Variants in TAOK3 observed in about 807,000 individuals in gnomAD.
TAOK3 encodes serine/threonine-protein kinase TAO3.
TAOK3 carries 40 observed loss-of-function variants against 120.4 expected under a neutral mutation model. That is an observed-to-expected ratio of 0.33 (90% CI 0.26 to 0.43). The LOEUF (loss-of-function observed/expected upper bound fraction) is 0.43, where lower values mean the gene tolerates loss of function less well. Among genes scored for constraint, TAOK3 ranks in the 20% least tolerant of loss-of-function variants. The pLI is 1.00. For missense variants in TAOK3, 821 were observed against 1,112.1 expected (o/e 0.74, Z 3.72); for synonymous variants, 355 against 387.5 (o/e 0.92, Z 0.99).
At chr12:118,341,106 T>C (rs2044599343) in intron 1 of TAOK3, among the ~76,000 whole-genome samples, 1 of 151,996 alleles carries the variant, frequency 6.6e-6, no homozygotes, top group African/African-American at 2.4e-5. Flanking sequence ...AAGGTATTCT[T>C]GTTCGTCCTC....
intron 1 of TAOK3, among the ~76,000 whole-genome samples, chr12:118,279,678 G>A (rs978221675): frequency 7.3e-5 from 11 of 150,994 alleles, no homozygotes; most frequent in Admixed American, 7.3e-4. Context: ...CTGCCTCTGG[G>A]ATTCAAGCGA....
chr12:118,316,419 T>A (rs1425317581), intron 1 of TAOK3, among the ~76,000 whole-genome samples: 3 of 151,976 alleles, frequency 2.0e-5, no homozygotes, highest in Non-Finnish European at 4.4e-5. Flanking sequence ...CTCAAGGACA[T>A]CATTTTTTTT....
intron 1 of TAOK3, among the ~76,000 whole-genome samples, chr12:118,337,076 A>G (rs1187599158): frequency 6.6e-6 from 1 of 152,224 alleles, no homozygotes; most frequent in East Asian, 1.9e-4. Flanking sequence ...TAAAGAAAAA[A>G]GAAAATGGGC....
At chr12:118,323,072 G>A (rs1258599762) in intron 1 of TAOK3, among the ~76,000 whole-genome samples, 3 of 151,990 alleles carry the variant, frequency 2.0e-5, no homozygotes, top group African/African-American at 2.4e-5. Flanking sequence ...GATTTGGTCT[G>A]CAGATTATAG....
At chr12:118,189,273 A>G (rs2037270825) in intron 14 of TAOK3, among the ~76,000 whole-genome samples, 1 of 152,216 alleles carries the variant, frequency 6.6e-6, no homozygotes, top group South Asian at 2.1e-4. Flanking sequence ...TTCTACAATT[A>G]TATACATTAT....
intron 17 of TAOK3, among the ~76,000 whole-genome samples, chr12:118,168,957 T>TTGCCTTCCTTCCTTCC (rs1300287948): frequency 6.8e-6 from 1 of 147,672 alleles, no homozygotes; most frequent in Admixed American, 6.8e-5. Context: ...GCTTGCTTGC[T>TTGCCTTCCTTCCTTCC]TTCCTTCCTT....
At chr12:118,277,143 C>T (rs557789042) in intron 1 of TAOK3, among the ~76,000 whole-genome samples, 6 of 152,310 alleles carry the variant, frequency 3.9e-5, no homozygotes, top group Admixed American at 3.3e-4. Flanking sequence ...ACAATAACTT[C>T]CAAAACAAAT....
chr12:118,178,050 G>A (rs1345938540), intron 15 of TAOK3, among the ~76,000 whole-genome samples: 1 of 151,998 alleles, frequency 6.6e-6, no homozygotes, highest in African/African-American at 2.4e-5. Flanking sequence ...GGGATCCAGC[G>A]ATCCTCCTGC....
rs529543363 is a variant in TAOK3 at position 118,212,770 on chromosome 12, C to T, written c.819+144G>A. 3 of 552,542 alleles carry T rather than the reference C, an allele frequency of 5.4e-6. No homozygotes were observed. The South Asian group carries it at 7.7e-5, about 14-fold the overall frequency. 34.2% of individuals were successfully genotyped at this position (552,542 alleles called of 1,614,324 possible). On this transcript the variant is annotated intron_variant, in intron 11 of 20. Coordinates refer to ENST00000392533, the MANE Select transcript of TAOK3 (RefSeq NM_016281.4). Reference sequence around the variant, plus strand: ...TTGCAATAATCTTGCTATTTCTATGCCTAGCTACTTATCTCAGGATAAATG... The same window carrying T: ...TTGCAATAATCTTGCTATTTCTATGTCTAGCTACTTATCTCAGGATAAATG...
rs918882344 is a variant in TAOK3 at position 118,230,463 on chromosome 12, T to G, written c.643+3211A>C. On this transcript the variant is annotated intron_variant, in intron 9 of 20. Transcript: ENST00000392533. The stretch of plus-strand genomic sequence containing the variant: ...TTCTGGGATTACCCTGTGAAGTGTT[T>G]TTTTTTTTTTTTTTTTTTTTTTTTT... 1.3e-4 allele frequency among the ~76,000 whole-genome samples: 13 copies of G among 102,102 alleles called. 1 individual carries two copies. The South Asian group carries it at 5.3e-3, about 42-fold the overall frequency. 67.0% of individuals were successfully genotyped at this position (102,102 alleles called of 152,430 possible).
chr12:118,356,850 A>C (rs2045418074), intron 1 of TAOK3, among the ~76,000 whole-genome samples: 1 of 152,182 alleles, frequency 6.6e-6, no homozygotes, highest in Non-Finnish European at 1.5e-5. Flanking sequence ...TGAGCTCAGG[A>C]GTTCAAGGCA....
At position 118,201,283 on chromosome 12, in the gene TAOK3, A is replaced by G. The variant is rs779401434; in HGVS notation, c.987+13T>C. 3.7e-6 allele frequency: 6 copies of G among 1,608,600 alleles called. No individual in the cohort carries two copies. In the African/African-American group the frequency reaches 6.7e-5, roughly 18 times the overall value. On this transcript the variant is annotated intron_variant, in intron 12 of 20. Coordinates refer to ENST00000392533, the MANE Select transcript of TAOK3 (RefSeq NM_016281.4). ...GCATTCTATAAGTGCCTGCTAAAAT[A>G]AATTGAACCTACTTCCTCATCCTCC...
intron 1 of TAOK3, among the ~76,000 whole-genome samples, chr12:118,269,049 AAAAG>A (rs1173712789): frequency 6.6e-6 from 1 of 151,816 alleles, no homozygotes; most frequent in African/African-American, 2.4e-5. Context: ...AAGAAAAAAG[AAAAG>A]AAAGAGAGTT....
chr12:118,160,091 G>C lies in TAOK3; in HGVS notation c.2352+55C>G. On this transcript the variant is annotated intron_variant, in intron 19 of 20. Transcript: ENST00000392533. This position sits in a 1 kb window ranked among gnomAD's most constrained non-coding sequence, Gnocchi z 4.2. Reference sequence around the variant, plus strand: ...CTTGGGAACAACAGGCTGGATCTTGGATTTTCTTGATTCCCAAAGCTCTCG... The same window carrying C: ...CTTGGGAACAACAGGCTGGATCTTGCATTTTCTTGATTCCCAAAGCTCTCG... The C allele has an allele frequency of 7.2e-7, 1 of 1,392,750 alleles. No individual in the cohort carries two copies. Among genetic ancestry groups the C allele is most frequent in the Non-Finnish European group, 1.0e-6 (1 of 981,048 alleles). The allele number at this position is 1,392,750 out of a possible 1,614,324, so 86.3% of individuals were successfully genotyped here. A position where few individuals can be genotyped will look rare whatever the true frequency, so the allele number is the denominator to read the frequency against.
intron 11 of TAOK3, among the ~76,000 whole-genome samples, chr12:118,212,325 T>C (rs1205344981): frequency 6.6e-6 from 1 of 152,216 alleles, no homozygotes; most frequent in Non-Finnish European, 1.5e-5. Flanking sequence ...CATACTACAC[T>C]GATATTGATG....
chr12:118,292,604 A>T (rs1361079726), intron 1 of TAOK3, among the ~76,000 whole-genome samples: 2 of 152,210 alleles, frequency 1.3e-5, no homozygotes, highest in Admixed American at 6.5e-5. Context: ...TGGACAGTAG[A>T]GCTGGATGCA....
At chr12:118,248,942 A>C (rs1196502678) in intron 3 of TAOK3, among the ~76,000 whole-genome samples, 1 of 152,172 alleles carries the variant, frequency 6.6e-6, no homozygotes, top group African/African-American at 2.4e-5. Context: ...GAATTTTTAT[A>C]CTGGCTAAAA....
chr12:118,307,424 C>T (rs1433386694), intron 1 of TAOK3, among the ~76,000 whole-genome samples: 1 of 152,168 alleles, frequency 6.6e-6, no homozygotes, highest in Non-Finnish European at 1.5e-5. Flanking sequence ...CCCCCTCCCA[C>T]CCTCACATCT....
intron 7 of TAOK3, chr12:118,236,244 T>C (rs991974893): frequency 1.3e-5 from 2 of 152,610 alleles, no homozygotes; most frequent in African/African-American, 4.8e-5. Flanking sequence ...ACATGTTATA[T>C]AGAAGGTGAT....
Sources: allele counts gnomAD v4.1 joint callset (sites outside exome capture counted in the v4.1 genomes callset), GRCh38; gene constraint gnomAD v4.1.1; non-coding constraint Gnocchi (gnomAD v3.1); transcripts MANE v1.5; gene names NCBI Gene and HGNC (gene_info 2026-07-23, HGNC 2026-07-21).